Variants in CAPS2 observed in about 807,000 individuals in gnomAD.
The protein encoded by CAPS2 is calcyphosine 2.
In CAPS2, 98 loss-of-function variants were observed where a neutral mutation model predicts 86.5. The ratio of observed to expected loss-of-function variants is 1.13; its 90% CI spans 0.96 to 1.34. The LOEUF (loss-of-function observed/expected upper bound fraction) is 1.34. Among genes scored for constraint, CAPS2 ranks in the 40% most tolerant of loss-of-function variants. The pLI is 0.00. For synonymous variants in CAPS2, 210 were observed against 225.1 expected (o/e 0.93, Z 0.60); for missense variants, 729 against 686.8 (o/e 1.06, Z -0.69).
chr12:75,333,259 C>CAT (rs5799219), upstream of CAPS2, among the ~76,000 whole-genome samples: 136,340 of 151,856 alleles, frequency 0.9, 61,302 homozygotes, highest in East Asian at 0.99. Context: ...GACACACACA[C>CAT]ATATATGTGT....
chr12:75,376,395 T>C (rs2044649895), intron 1 of CAPS2, among the ~76,000 whole-genome samples: 1 of 152,162 alleles, frequency 6.6e-6, no homozygotes, highest in South Asian at 2.1e-4. Flanking sequence ...TGGAGTGTAG[T>C]GCACTTCTTC....
At chr12:75,334,608 A>G, upstream of CAPS2, 1 of 1,489,578 alleles carries the variant, frequency 6.7e-7, no homozygotes, top group Non-Finnish European at 8.9e-7. Context: ...GCTGGGCTCG[A>G]GCCTGTGCGG....
chr12:75,333,164 C>T (rs2041451514), upstream of CAPS2, among the ~76,000 whole-genome samples: 1 of 152,078 alleles, frequency 6.6e-6, no homozygotes, highest in Admixed American at 6.5e-5. Flanking sequence ...TTCTCTTTCT[C>T]TTTGTATACA....
At chr12:75,373,588 G>A (rs75937712) in intron 1 of CAPS2, 1 of 152,234 alleles carries the variant, frequency 6.6e-6, no homozygotes. Flanking sequence ...ATACTGGGGA[G>A]ATTTCCCTTC....
chr12:75,278,802 A>T, exon 17 of CAPS2: 1 of 1,353,682 alleles, frequency 7.4e-7, no homozygotes, highest in Non-Finnish European at 9.5e-7. Flanking sequence ...GTCCTAGGAA[A>T]ATATATTCCA....
chr12:75,346,047 T>C (rs1350150348), intron 1 of CAPS2, among the ~76,000 whole-genome samples: 1 of 152,160 alleles, frequency 6.6e-6, no homozygotes, highest in Non-Finnish European at 1.5e-5. Flanking sequence ...CATATTAGAG[T>C]TACATCCAAT....
intron 11 of CAPS2, among the ~76,000 whole-genome samples, chr12:75,293,849 T>A (rs2036432496): frequency 1.3e-5 from 2 of 152,204 alleles, no homozygotes; most frequent in African/African-American, 4.8e-5. Flanking sequence ...TATCAAAAAA[T>A]CTTATTCTAA....
intron 1 of CAPS2, 37 bp downstream of exon 2, chr12:75,326,381 C>T (rs1326134986): frequency 2.5e-6 from 2 of 787,734 alleles, no homozygotes; most frequent in Admixed American, 5.2e-5. Flanking sequence ...ATTTATAAGT[C>T]ATCCTGAAAG....
intron 1 of CAPS2, among the ~76,000 whole-genome samples, chr12:75,352,691 A>C (rs1295075372): frequency 6.6e-6 from 1 of 152,362 alleles, no homozygotes; most frequent in East Asian, 1.9e-4. Context: ...CCAAAACAAC[A>C]GAATATACAT....
At chr12:75,356,515 A>C (rs1000855840) in intron 1 of CAPS2, among the ~76,000 whole-genome samples, 2 of 152,226 alleles carry the variant, frequency 1.3e-5, no homozygotes, top group African/African-American at 4.8e-5. Context: ...ATAAATTCTA[A>C]AGTAACTGCT....
intron 6 of CAPS2, among the ~76,000 whole-genome samples, chr12:75,314,462 G>A (rs1050547505): frequency 6.6e-6 from 1 of 151,916 alleles, no homozygotes; most frequent in African/African-American, 2.4e-5. Context: ...TTCAAAATGT[G>A]TAGTTTACAC....
chr12:75,290,877 T>C (rs2035713709), intron 13 of CAPS2, among the ~76,000 whole-genome samples: 1 of 151,470 alleles, frequency 6.6e-6, no homozygotes, highest in Non-Finnish European at 1.5e-5. Context: ...TGAGCTGTGA[T>C]TGTACTATTG....
At chr12:75,283,243 C>A (rs866897387) in intron 15 of CAPS2, among the ~76,000 whole-genome samples, 2 of 152,134 alleles carry the variant, frequency 1.3e-5, no homozygotes, top group South Asian at 2.1e-4. Flanking sequence ...AGAGTATTCA[C>A]TACTTAGAAA....
At chr12:75,310,057 T>C (rs1313485695) in intron 7 of CAPS2, among the ~76,000 whole-genome samples, 1 of 152,202 alleles carries the variant, frequency 6.6e-6, no homozygotes, top group East Asian at 1.9e-4. Flanking sequence ...CATTTACCTA[T>C]TCAACAAGTT....
At chr12:75,376,719 T>A (rs557390635) in intron 1 of CAPS2, among the ~76,000 whole-genome samples, 1 of 152,278 alleles carries the variant, frequency 6.6e-6, no homozygotes, top group African/African-American at 2.4e-5. Flanking sequence ...AGGGTCCCAT[T>A]CTTTTCCAAT....
At chr12:75,327,029 C>T (rs772477206), upstream of CAPS2, among the ~76,000 whole-genome samples, 23 of 152,236 alleles carry the variant, frequency 1.5e-4, no homozygotes, top group Non-Finnish European at 2.2e-4. Flanking sequence ...TTTCCTATGG[C>T]GCTTCCAGAA....
chr12:75,345,519 G>A (rs147262641), intron 1 of CAPS2, among the ~76,000 whole-genome samples: 3 of 152,150 alleles, frequency 2.0e-5, no homozygotes, highest in Non-Finnish European at 2.9e-5. Context: ...AATATATAGG[G>A]TCTTAAAGCA....
chr12:75,276,889 CTA>C (rs1297832809), downstream of CAPS2: 40 of 982,942 alleles, frequency 4.1e-5, no homozygotes, highest in Non-Finnish European at 4.6e-5. Context: ...ATTACAAAGA[CTA>C]TTAAGCATAG....
At chr12:75,277,434 G>C (rs2033127016) in exon 17 of CAPS2, 1 of 946,180 alleles carries the variant, frequency 1.1e-6, no homozygotes, top group Non-Finnish European at 1.3e-6. Context: ...CCAAGAAAAA[G>C]ATATGTGACA....
Sources: gnomAD v4.1 joint callset for allele counts (sites outside exome capture counted in the v4.1 genomes callset) on GRCh38, gnomAD v4.1.1 for gene constraint, MANE v1.5 for transcripts, NCBI Gene and HGNC (gene_info 2026-07-23, HGNC 2026-07-21) for gene names.